Variants in CDH5 observed in about 807,000 individuals in gnomAD.
CDH5 encodes cadherin-5.
In CDH5, 28 loss-of-function variants were observed where a neutral mutation model predicts 62.0. The ratio of observed to expected loss-of-function variants is 0.45; its 90% CI spans 0.33 to 0.62. The LOEUF (loss-of-function observed/expected upper bound fraction) is 0.62. Ranked by LOEUF, CDH5 falls within the 20% of genes least tolerant of loss-of-function variation. CDH5 has a pLI of 0.02. For synonymous variants in CDH5, 464 were observed against 445.8 expected (o/e 1.04, Z -0.52); for missense variants, 940 against 1,065.1 (o/e 0.88, Z 1.63).
At position 66,387,090 on chromosome 16, in the gene CDH5, G is replaced by T; in HGVS notation, c.492G>T (p.Ser164=). The T allele has an allele frequency of 1.2e-6, 2 of 1,609,930 alleles. No homozygotes were observed. Among genetic ancestry groups the T allele is most frequent in the Non-Finnish European group, 1.7e-6 (2 of 1,176,968 alleles). The stretch of plus-strand genomic sequence containing the variant: ...TCAATGCGTCCGTGCCTGAGTCGTC[G>T]GCTGTGGGTACGTTGCATGCCCACT... The part of the protein sequence containing the change: ...RLFNASVPES[S]AVGTSVISVT... Residue 164 remains serine (S), a synonymous_variant, in exon 3 of 12, where the codon TCG becomes TCT. Coordinates refer to ENST00000341529, the MANE Select transcript of CDH5 (RefSeq NM_001795.5).
intron 1 of CDH5, among the ~76,000 whole-genome samples, chr16:66,375,659 A>G (rs536804945): frequency 1.3e-5 from 2 of 152,296 alleles, no homozygotes; most frequent in South Asian, 2.1e-4. Flanking sequence ...GTGAGTGGTG[A>G]GTGGCCTAGG....
At chr16:66,378,681 G>T (rs969611170) in intron 1 of CDH5, among the ~76,000 whole-genome samples, 1 of 152,172 alleles carries the variant, frequency 6.6e-6, no homozygotes, top group African/African-American at 2.4e-5. Flanking sequence ...TCTTCCTGGA[G>T]ACCTTCCCCA....
At chr16:66,396,256 T>C in intron 8 of CDH5, 55 bp downstream of exon 8, 1 of 1,605,606 alleles carries the variant, frequency 6.2e-7, no homozygotes, top group Non-Finnish European at 8.5e-7. Flanking sequence ...CCCTCATTCT[T>C]CCAAAACTGG....
chr16:66,378,315 C>T (rs956031033), intron 1 of CDH5, among the ~76,000 whole-genome samples: 29 of 152,214 alleles, frequency 1.9e-4, no homozygotes, highest in Admixed American at 1.7e-3. Flanking sequence ...CCGGGCCAGA[C>T]AACCTTGGTT....
Position 66,390,408 on chromosome 16 carries a change from T to C in CDH5, c.787T>C (p.Tyr263His), listed in dbSNP as rs1458645355. 1 of 1,612,790 alleles carries C rather than the reference T, an allele frequency of 6.2e-7. No individual in the cohort carries two copies. Among genetic ancestry groups the C allele is most frequent in the Non-Finnish European group, 8.5e-7 (1 of 1,179,120 alleles). ...GGGTGCTCTGTTTGCATCAGCCAAG[T>C]ACACATTTGTCGTGCCTGAAGACAC... ...DNFPFFTQTKYTFVVPEDTRV... is the reference protein window; with the variant it reads ...DNFPFFTQTKHTFVVPEDTRV... Residue 263 changes from tyrosine to histidine, a missense_variant, in exon 6 of 12, where the codon TAC becomes CAC. Transcript: ENST00000341529.
chr16:66,368,969 C>T (rs796889067), intron 1 of CDH5, among the ~76,000 whole-genome samples: 21 of 152,304 alleles, frequency 1.4e-4, no homozygotes, highest in African/African-American at 5.1e-4. Context: ...CAGGTTCAAG[C>T]TGGTGTTAAG....
intron 2 of CDH5, among the ~76,000 whole-genome samples, chr16:66,379,994 G>A (rs1268486288): frequency 5.8e-5 from 1 of 17,240 alleles, no homozygotes; most frequent in African/African-American, 2.3e-4. Context: ...CACGGTGATG[G>A]TGGTGATGAT....
chr16:66,386,907 C>T lies in CDH5; in HGVS notation c.309C>T (p.Phe103=), dbSNP rs781342683. The change falls in exon 3 of 12, where the codon TTC becomes TTT. Residue 103 remains phenylalanine, a synonymous_variant. Transcript: ENST00000341529. Reference sequence around the variant, plus strand: ...TCGATGCAGAGACAGGAGACGTGTTCGCCATTGAGAGGCTGGACCGGGAGA... The same window carrying T: ...TCGATGCAGAGACAGGAGACGTGTTTGCCATTGAGAGGCTGGACCGGGAGA... ...FRVDAETGDV[F]AIERLDRENI... is the part of the protein sequence containing the mutation. The T allele has an allele frequency of 1.8e-5, 29 of 1,614,076 alleles. No homozygotes were observed. Among genetic ancestry groups the T allele is most frequent in the Middle Eastern group, 1.6e-4 (1 of 6,084 alleles).
In CDH5 at chr16:66,379,504, T is replaced by C. The variant is rs997369828; in HGVS notation, c.167T>C (p.Ile56Thr). Residue 56 changes from isoleucine (I) to threonine (T), a missense_variant, in exon 2 of 12, where the codon ATT (isoleucine) becomes ACT (threonine). By Grantham distance (89) the Ile-to-Thr change is moderately conservative (BLOSUM62 -1). Coordinates refer to ENST00000341529, the MANE Select transcript of CDH5 (RefSeq NM_001795.5). Reference sequence around the variant, plus strand: ...GATTGGATTTGGAACCAGATGCACATTGATGAAGAGAAAAACACCTCACTT... The same window carrying C: ...GATTGGATTTGGAACCAGATGCACACTGATGAAGAGAAAAACACCTCACTT... ...KRDWIWNQMH[I>T]DEEKNTSLPH... 24 of 1,614,040 alleles carry C rather than the reference T, an allele frequency of 1.5e-5. No individual in the cohort carries two copies. Among genetic ancestry groups the C allele is most frequent in the East Asian group, 2.2e-5 (1 of 44,896 alleles).
At chr16:66,381,747 A>G (rs991032599) in intron 2 of CDH5, among the ~76,000 whole-genome samples, 5 of 152,134 alleles carry the variant, frequency 3.3e-5, no homozygotes, top group African/African-American at 1.2e-4. Flanking sequence ...TGCGGGCCCA[A>G]TCCAGCCCAC....
At chr16:66,369,977 CTTTT>C (rs869076167) in intron 1 of CDH5, among the ~76,000 whole-genome samples, 3 of 125,134 alleles carry the variant, frequency 2.4e-5, no homozygotes, top group South Asian at 2.4e-4. Context: ...TCACTGGAGA[CTTTT>C]TTGTTTGTTT....
chr16:66,386,866 G>A lies in CDH5; in HGVS notation c.268G>A (p.Gly90Ser). The change falls in exon 3 of 12, where the codon GGC (glycine) becomes AGC (serine). Residue 90 changes from glycine (G) to serine (S), a missense_variant. Gly to Ser is a moderately conservative substitution (Grantham distance 56). Transcript: ENST00000341529. Reference sequence around the variant, plus strand: ...GTACCTGCTCAAAGGAGAATATGTGGGCAAGGTCTTCCGGGTCGATGCAGA... The same window carrying A: ...GTACCTGCTCAAAGGAGAATATGTGAGCAAGGTCTTCCGGGTCGATGCAGA... ...AKYLLKGEYV[G>S]KVFRVDAETG... 1.2e-6 allele frequency: 2 copies of A among 1,614,138 alleles called. No homozygotes were observed. Among genetic ancestry groups the A allele is most frequent in the Non-Finnish European group, 1.7e-6 (2 of 1,180,034 alleles).
chr16:66,389,273 A>T, intron 4 of CDH5, 85 bp from the exon 5 acceptor site: 1 of 1,358,742 alleles, frequency 7.4e-7, no homozygotes, highest in Non-Finnish European at 1.0e-6. Context: ...GGAAGCTCTT[A>T]AGTCAGGTTC....
Position 66,396,200 on chromosome 16 carries a change from T to G in CDH5, c.1359T>G (p.Thr453=), listed in dbSNP as rs1296825460. 1 of 1,614,078 alleles carries G rather than the reference T, an allele frequency of 6.2e-7. No homozygotes were observed. Among genetic ancestry groups the G allele is most frequent in the South Asian group, 1.1e-5 (1 of 91,032 alleles). ...TGGAGGCCAAAGAACTGGATTCCAC[T>G]GGTGAGTGGCCACATCTGCCAGGGC... is the stretch of plus-strand genomic sequence containing the variant. ...LTVEAKELDS[T]GTPTGKESIV... The change falls in exon 8 of 12, where the codon ACT becomes ACG. Residue 453 remains threonine, a splice_region_variant and synonymous_variant. Transcript: ENST00000341529.
intron 9 of CDH5, 58 bp downstream of exon 9, chr16:66,398,164 C>T (rs1961220265): frequency 1.3e-6 from 2 of 1,598,510 alleles, no homozygotes; most frequent in Non-Finnish European, 1.7e-6. Flanking sequence ...GGCTGGGGGG[C>T]AGAACTGCTC....
intron 2 of CDH5, among the ~76,000 whole-genome samples, chr16:66,380,972 G>C (rs1960888367): frequency 6.6e-6 from 1 of 152,038 alleles, no homozygotes; most frequent in Admixed American, 6.6e-5. Context: ...ATCACTAACA[G>C]AAGGGCCATC....
chr16:66,387,931 C>T (rs1304340448), intron 3 of CDH5, among the ~76,000 whole-genome samples: 1 of 152,168 alleles, frequency 6.6e-6, no homozygotes, highest in African/African-American at 2.4e-5. Context: ...GGGACCAGAC[C>T]TTCGGGTTGA....
chr16:66,379,382 G>A lies in CDH5; in HGVS notation c.45G>A (p.Leu15=). The A allele has an allele frequency of 6.2e-7, 1 of 1,613,944 alleles. No homozygotes were observed. The highest frequency in any genetic ancestry group is 8.5e-7 in the Non-Finnish European group (1 of 1,179,938). Residue 15 remains leucine (L), a synonymous_variant, in exon 2 of 12, where the codon CTG becomes CTA. Coordinates refer to ENST00000341529, the MANE Select transcript of CDH5 (RefSeq NM_001795.5). ...MMLLATSGAC[L]GLLAVAAVAA... ...TCCTCGCCACATCGGGCGCCTGCCT[G>A]GGCCTGCTGGCAGTGGCAGCAGTGG...
At chr16:66,373,458 C>G (rs1960729416) in intron 1 of CDH5, among the ~76,000 whole-genome samples, 2 of 150,868 alleles carry the variant, frequency 1.3e-5, no homozygotes, top group African/African-American at 4.9e-5. Context: ...ACCTGTTGCC[C>G]AGGCTGGAGT....
Sources: gnomAD v4.1 joint callset for allele counts (sites outside exome capture counted in the v4.1 genomes callset) on GRCh38, gnomAD v4.1.1 for gene constraint, MANE v1.5 for transcripts, NCBI Gene and HGNC (gene_info 2026-07-23, HGNC 2026-07-21) for gene names.